TET3: variants seen among roughly 807,000 people sequenced by gnomAD.
TET3 encodes methylcytosine dioxygenase TET3.
Under a neutral mutation model 141.4 loss-of-function variants are expected in TET3, and 19 were observed. The observed-to-expected ratio is 0.13, with a 90% CI of 0.09 to 0.20. TET3 has a LOEUF of 0.20. TET3 is among the 10% of genes least tolerant of loss of function. TET3 has a pLI of 1.00. For missense variants in TET3, 1,874 were observed against 2,356.9 expected (o/e 0.80, Z 4.24); for synonymous variants, 1,043 against 980.9 (o/e 1.06, Z -1.18).
At chr2:74,074,377 A>ATT (rs1197546666) in intron 5 of TET3, among the ~76,000 whole-genome samples, 1 of 152,178 alleles carries the variant, frequency 6.6e-6, no homozygotes, top group Non-Finnish European at 1.5e-5. Context: ...TGGATTTTTC[A>ATT]TTTTTGTTAC....
chr2:73,989,637 A>G (rs10208256), intron 2 of TET3, among the ~76,000 whole-genome samples: 13,795 of 151,978 alleles, frequency 0.091, 1,520 homozygotes, highest in African/African-American at 0.25. Context: ...CTGCCCTAGG[A>G]GGCGGTGACT....
intron 2 of TET3, among the ~76,000 whole-genome samples, chr2:73,988,500 G>A (rs1365047844): frequency 6.6e-6 from 1 of 152,210 alleles, no homozygotes; most frequent in Admixed American, 6.5e-5. Context: ...TGGGAGTGAG[G>A]CCAGGACCTT....
rs751935589 is a variant in TET3 at position 74,100,342 on chromosome 2, C to T, written c.3605-51C>T. ...CCCAGTCCCCGACCCAGGGCCTCTC[C>T]AGGCTGTGGTGTTGTCTGCCCCTCT... is the stretch of plus-strand genomic sequence containing the variant. On this transcript the variant is annotated intron_variant, in intron 11 of 11. Coordinates refer to ENST00000409262, the MANE Select transcript of TET3 (RefSeq NM_001287491.2). The T allele has an allele frequency of 5.7e-5, 87 of 1,528,510 alleles. 2 individuals are homozygous for T. The Middle Eastern group carries it at 2.9e-3, about 51-fold the overall frequency. The allele number at this position is 1,528,510 out of a possible 1,614,324, so 94.7% of individuals were successfully genotyped here.
chr2:74,082,605 C>T (rs1689894298), intron 6 of TET3, among the ~76,000 whole-genome samples: 1 of 151,484 alleles, frequency 6.6e-6, no homozygotes, highest in South Asian at 2.1e-4. Context: ...TGGTCAATCA[C>T]AGAACTATTG....
chr2:74,046,622 C>T lies in TET3; in HGVS notation c.705C>T (p.Asn235=), dbSNP rs1335707217. 3.7e-6 allele frequency: 6 copies of T among 1,613,950 alleles called. No homozygotes were observed. In the African/African-American group the frequency reaches 4.0e-5, roughly 11 times the overall value. The change falls in exon 4 of 12, where the codon AAC becomes AAT. Residue 235 remains asparagine (N), a synonymous_variant. Coordinates refer to ENST00000409262, the MANE Select transcript of TET3 (RefSeq NM_001287491.2). The surrounding 1 kb of genome is among the most constrained non-coding windows in gnomAD (Gnocchi z 4.3). ...NREMSREAGN[N]SRGPRPGPEG... ...AGATGAGTCGTGAGGCTGGGAACAA[C>T]AGCAGGGGACCCCGGCCAGGGCCTG... is the stretch of plus-strand genomic sequence containing the variant.
chr2:74,130,205 G>A, the TET3 span, among the ~76,000 whole-genome samples: 4 of 151,896 alleles, frequency 2.6e-5, no homozygotes, highest in Non-Finnish European at 5.9e-5. Flanking sequence ...AGAACCCGTC[G>A]GGCATCTTTT....
At chr2:74,131,125 T>A in the TET3 span, among the ~76,000 whole-genome samples, 31,583 of 151,982 alleles carry the variant, frequency 0.21, 3,564 homozygotes, top group East Asian at 0.39. Flanking sequence ...CTCTTAAATC[T>A]GGCAGGGACC....
At chr2:73,988,226 A>G (rs1684144983) in intron 2 of TET3, among the ~76,000 whole-genome samples, 2 of 152,224 alleles carry the variant, frequency 1.3e-5, no homozygotes, top group South Asian at 4.1e-4. Context: ...GGGAGGCTTT[A>G]CTTCTGGATG....
chr2:74,056,715 G>A (rs1386251501), intron 4 of TET3, among the ~76,000 whole-genome samples: 1 of 152,180 alleles, frequency 6.6e-6, no homozygotes, highest in East Asian at 1.9e-4. Context: ...CAGCAAGATG[G>A]TAAAATACTC....
At chr2:74,040,877 A>G (rs944755300) in intron 3 of TET3, among the ~76,000 whole-genome samples, 1 of 152,168 alleles carries the variant, frequency 6.6e-6, no homozygotes, top group African/African-American at 2.4e-5. Context: ...CATGGGCAAC[A>G]GAGCAGCAAG....
chr2:74,084,765 G>A (rs1170737075), intron 6 of TET3, among the ~76,000 whole-genome samples: 1 of 151,988 alleles, frequency 6.6e-6, no homozygotes, highest in Non-Finnish European at 1.5e-5. Flanking sequence ...GTGAGACCCC[G>A]TTTCTACTAA....
intron 3 of TET3, among the ~76,000 whole-genome samples, chr2:74,013,447 C>G (rs1558711495): frequency 2.0e-5 from 3 of 152,060 alleles, no homozygotes; most frequent in Admixed American, 6.6e-5. Context: ...ATATAATGGA[C>G]TGTGAAGGCT....
intron 4 of TET3, among the ~76,000 whole-genome samples, chr2:74,053,320 T>C (rs1688049073): frequency 6.6e-6 from 1 of 152,202 alleles, no homozygotes; most frequent in African/African-American, 2.4e-5. Flanking sequence ...CCTTCGCCTT[T>C]GTGTATTTTG....
chr2:74,105,436 C>A lies in TET3; in HGVS notation c.*3260C>A. The A allele has an allele frequency of 2.5e-6, 1 of 398,434 alleles. No homozygotes were observed. The highest frequency in any genetic ancestry group is 1.3e-4 in the South Asian group (1 of 7,732). 24.7% of individuals were successfully genotyped at this position (398,434 alleles called of 1,614,324 possible). On this transcript the variant is annotated 3_prime_UTR_variant, in exon 12 of 12. Coordinates refer to ENST00000409262, the MANE Select transcript of TET3 (RefSeq NM_001287491.2). ...TCTCACAAAATAACTGGTGCTAGCTCAAGAAATCATCATCTGACCATCAGA... is the reference window on the plus strand; with the variant it reads ...TCTCACAAAATAACTGGTGCTAGCTAAAGAAATCATCATCTGACCATCAGA...
the TET3 span, chr2:74,134,602 C>T: frequency 2.3e-6 from 1 of 434,110 alleles, no homozygotes; most frequent in African/African-American, 2.0e-5. Context: ...GGATGGTCAA[C>T]CTCCCACTGC....
intron 6 of TET3, among the ~76,000 whole-genome samples, chr2:74,082,263 G>A (rs1238260208): frequency 1.3e-5 from 2 of 152,194 alleles, no homozygotes; most frequent in East Asian, 3.8e-4. Flanking sequence ...GGCTCGTGTG[G>A]CCCCACTGAG....
intron 10 of TET3, among the ~76,000 whole-genome samples, chr2:74,097,384 A>G (rs1327702525): frequency 2.0e-5 from 3 of 152,258 alleles, no homozygotes; most frequent in African/African-American, 7.2e-5. Context: ...AGTCGTATAT[A>G]GTAGTGGGCA....
chr2:74,130,412 T>A, the TET3 span, among the ~76,000 whole-genome samples: 7 of 152,184 alleles, frequency 4.6e-5, no homozygotes, highest in Non-Finnish European at 7.4e-5. Context: ...CCAGTGCAGG[T>A]ACAAATGTTG....
At chr2:74,134,099 A>G in the TET3 span, among the ~76,000 whole-genome samples, 2 of 152,190 alleles carry the variant, frequency 1.3e-5, no homozygotes, top group African/African-American at 2.4e-5. Flanking sequence ...AAAGACAAAT[A>G]GGTTCCACGC....
Sources: allele counts gnomAD v4.1 joint callset (sites outside exome capture counted in the v4.1 genomes callset), GRCh38; gene constraint gnomAD v4.1.1; non-coding constraint Gnocchi (gnomAD v3.1); transcripts MANE v1.5; gene names NCBI Gene and HGNC (gene_info 2026-07-23, HGNC 2026-07-21).